The following BTBD9 variants were observed in gnomAD, a reference collection of about 807,000 sequenced individuals.
The protein encoded by BTBD9 is BTB/POZ domain-containing protein 9.
Under a neutral mutation model 64.3 loss-of-function variants are expected in BTBD9, and 49 were observed. That is an observed-to-expected ratio of 0.76 (90% confidence interval 0.61 to 0.97). The LOEUF is 0.97. Ranked by LOEUF, BTBD9 falls within the 50% of genes least tolerant of loss-of-function variation. The pLI is 0.00. For synonymous variants in BTBD9, 260 were observed against 274.7 expected, an observed-to-expected ratio of 0.95 and a Z score of 0.53; for missense variants, 598 against 762.1, an observed-to-expected ratio of 0.78 and a Z score of 2.53.
At chr6:38,570,441 A>T (rs1017935831) in intron 6 of BTBD9, among the ~76,000 whole-genome samples, 1 of 152,144 alleles carries the variant, frequency 6.6e-6, no homozygotes, top group Admixed American at 6.5e-5. Flanking sequence ...CTCCTACAGG[A>T]CTATTGTAAG....
intron 10 of BTBD9, among the ~76,000 whole-genome samples, chr6:38,186,621 G>A (rs1304670536): frequency 6.6e-6 from 1 of 152,112 alleles, no homozygotes; most frequent in African/African-American, 2.4e-5. Flanking sequence ...GGTCCTCTAT[G>A]CTTACACATG....
intron 7 of BTBD9, among the ~76,000 whole-genome samples, chr6:38,303,003 GC>G (rs1762473388): frequency 6.6e-6 from 1 of 151,710 alleles, no homozygotes; most frequent in Admixed American, 6.6e-5. Context: ...TATTTATTTT[GC>G]CGTTGAGTTT....
rs1370614409 is a variant in BTBD9 at position 38,170,766 on chromosome 6, T to A, written c.*4219A>T. 6.6e-6 allele frequency: 1 copy of A among 152,202 alleles called. No individual in the cohort carries two copies. Among genetic ancestry groups the A allele is most frequent in the Non-Finnish European group, 1.5e-5 (1 of 68,036 alleles). 9.4% of individuals were successfully genotyped at this position (152,202 alleles called of 1,614,324 possible). On this transcript the variant is annotated 3_prime_UTR_variant, in exon 11 of 11. Coordinates refer to ENST00000481247, the MANE Select transcript of BTBD9 (RefSeq NM_001099272.2). ...CTGCACTTTAAATTCCTAACTGAAC[T>A]CCTGCCGGGGCTGTTGTCAGGAAAA...
chr6:38,214,268 C>T (rs1328265925), intron 9 of BTBD9, among the ~76,000 whole-genome samples: 1 of 152,180 alleles, frequency 6.6e-6, no homozygotes, highest in Non-Finnish European at 1.5e-5. Context: ...GATGGGCTTT[C>T]TCTGCAACCC....
chr6:38,468,514 TG>T (rs1770498278), intron 6 of BTBD9, among the ~76,000 whole-genome samples: 1 of 152,226 alleles, frequency 6.6e-6, no homozygotes, highest in Non-Finnish European at 1.5e-5. Context: ...AAACCTTCCC[TG>T]CAAATATGGG....
chr6:38,417,799 AG>A (rs1418210257), intron 6 of BTBD9, among the ~76,000 whole-genome samples: 7 of 101,094 alleles, frequency 6.9e-5, no homozygotes, highest in African/African-American at 3.4e-4. Context: ...AGAGAGAGAG[AG>A]AAAAAAAATA....
chr6:38,509,334 A>G (rs1772677669), intron 6 of BTBD9, among the ~76,000 whole-genome samples: 1 of 152,244 alleles, frequency 6.6e-6, no homozygotes, highest in African/African-American at 2.4e-5. Flanking sequence ...TTTCTTTGCT[A>G]CTGCTAAACA....
At chr6:38,583,805 A>G (rs1257273236) in intron 4 of BTBD9, among the ~76,000 whole-genome samples, 3 of 152,004 alleles carry the variant, frequency 2.0e-5, no homozygotes, top group African/African-American at 7.3e-5. Flanking sequence ...ACTTCAAAAC[A>G]GAGAACATCT....
intron 10 of BTBD9, 41 bp downstream of exon 10, chr6:38,192,478 C>A: frequency 6.4e-7 from 1 of 1,555,224 alleles, no homozygotes; most frequent in Non-Finnish European, 8.9e-7. Context: ...ACCTGTACAT[C>A]ATGAAATCTC....
intron 8 of BTBD9, among the ~76,000 whole-genome samples, chr6:38,258,317 T>C (rs1451453456): frequency 6.6e-6 from 1 of 152,056 alleles, no homozygotes; most frequent in South Asian, 2.1e-4. Flanking sequence ...AATCTGAGCA[T>C]TGCAGTACAG....
intron 6 of BTBD9, among the ~76,000 whole-genome samples, chr6:38,403,837 TCAAC>T (rs773421638): frequency 1.1e-3 from 167 of 152,262 alleles, no homozygotes; most frequent in Non-Finnish European, 2.1e-3. Flanking sequence ...CAAATATCCA[TCAAC>T]TGATGAATGG....
At chr6:38,629,536 T>A (rs1190618768) in intron 1 of BTBD9, among the ~76,000 whole-genome samples, 1 of 152,144 alleles carries the variant, frequency 6.6e-6, no homozygotes, top group Non-Finnish European at 1.5e-5. Flanking sequence ...ATTAAAAAAG[T>A]AAATAGGCCG....
intron 4 of BTBD9, chr6:38,588,103 G>A (rs1439928249): frequency 4.1e-6 from 3 of 735,246 alleles, no homozygotes; most frequent in East Asian, 2.4e-5. Flanking sequence ...ATGGTGCACC[G>A]TGTCTGCGGG....
At chr6:38,440,261 G>A (rs146797523) in intron 6 of BTBD9, among the ~76,000 whole-genome samples, 28 of 152,290 alleles carry the variant, frequency 1.8e-4, no homozygotes, top group African/African-American at 6.0e-4. Context: ...AGTTTTAGAG[G>A]CTGGAGGAGA....
At chr6:38,576,682 G>T (rs1776051073) in intron 6 of BTBD9, among the ~76,000 whole-genome samples, 3 of 152,110 alleles carry the variant, frequency 2.0e-5, no homozygotes, top group South Asian at 4.1e-4. Context: ...ATTCTCCATG[G>T]TGTACACTCA....
At chr6:38,350,843 G>C (rs1764474542) in intron 6 of BTBD9, among the ~76,000 whole-genome samples, 2 of 152,226 alleles carry the variant, frequency 1.3e-5, no homozygotes, top group Admixed American at 1.3e-4. Context: ...CCAAGGTTTA[G>C]ATGCACCATT....
At chr6:38,412,067 C>A (rs574732264) in intron 6 of BTBD9, among the ~76,000 whole-genome samples, 3 of 152,040 alleles carry the variant, frequency 2.0e-5, no homozygotes, top group African/African-American at 7.2e-5. Flanking sequence ...AGAAACATTT[C>A]CTATGTGACT....
intron 6 of BTBD9, among the ~76,000 whole-genome samples, chr6:38,480,102 A>G (rs994715256): frequency 6.6e-6 from 1 of 152,184 alleles, no homozygotes; most frequent in South Asian, 2.1e-4. Context: ...AAAGCAATAC[A>G]ATACTTAAGA....
At chr6:38,407,491 C>A (rs115592375) in intron 6 of BTBD9, among the ~76,000 whole-genome samples, 3,974 of 152,110 alleles carry the variant, frequency 0.026, 103 homozygotes, top group East Asian at 0.079. Context: ...GAGAAGCAGA[C>A]CAGCCACAGT....
Sources: allele counts gnomAD v4.1 joint callset (sites outside exome capture counted in the v4.1 genomes callset), GRCh38; gene constraint gnomAD v4.1.1; transcripts MANE v1.5; gene names NCBI Gene and HGNC (gene_info 2026-07-23, HGNC 2026-07-21).